IL26: variants seen among roughly 807,000 people sequenced by gnomAD.
The protein encoded by IL26 is interleukin 26.
In IL26, 23 loss-of-function variants were observed where a neutral mutation model predicts 21.7. That is an observed-to-expected ratio of 1.06 (90% CI 0.76 to 1.50). IL26 has a LOEUF of 1.50. IL26 is among the 40% of genes most tolerant of loss of function. IL26 has a pLI of 0.00. For synonymous variants in IL26, 63 were observed against 67.8 expected (o/e 0.93, Z 0.34); for missense variants, 204 against 196.0 (o/e 1.04, Z -0.24).
At chr12:68,208,182 C>A (rs967079336) in intron 3 of IL26, among the ~76,000 whole-genome samples, 1 of 152,086 alleles carries the variant, frequency 6.6e-6, no homozygotes, top group Non-Finnish European at 1.5e-5. Context: ...AACATGACTG[C>A]TCCAGGAGAC....
At chr12:68,208,588 C>G (rs1411612277) in intron 3 of IL26, among the ~76,000 whole-genome samples, 1 of 152,100 alleles carries the variant, frequency 6.6e-6, no homozygotes, top group Non-Finnish European at 1.5e-5. Flanking sequence ...CTGCAACCTC[C>G]GTATCCTGGG....
At chr12:68,204,336 G>A (rs1868473873) in intron 3 of IL26, among the ~76,000 whole-genome samples, 2 of 151,822 alleles carry the variant, frequency 1.3e-5, no homozygotes, top group African/African-American at 4.8e-5. Flanking sequence ...GTAGAGATGG[G>A]GTTTCACCGT....
intron 3 of IL26, among the ~76,000 whole-genome samples, chr12:68,224,039 A>ACCC (rs72054758): frequency 0.014 from 2,029 of 146,956 alleles, 52 homozygotes; most frequent in African/African-American, 0.051. Context: ...AAAAATAAAC[A>ACCC]CCCCCCCCCT....
At chr12:68,210,335 T>G (rs1868675315) in intron 3 of IL26, among the ~76,000 whole-genome samples, 2 of 5,956 alleles carry the variant, frequency 3.4e-4, no homozygotes, top group Non-Finnish European at 8.0e-4. Context: ...AATATCAGTT[T>G]GGCAAAAAAA....
chr12:68,210,349 A>C lies in IL26; in HGVS notation c.364-8266T>G, dbSNP rs1592896678. Among the ~76,000 whole-genome samples the C allele has an allele frequency of 1.7e-4, 5 of 29,902 alleles. No individual in the cohort carries two copies. The South Asian group carries it at 4.8e-3, about 29-fold the overall frequency. The allele number at this position is 29,902 out of a possible 152,430, so 19.6% of individuals were successfully genotyped here. A position where few individuals can be genotyped will look rare whatever the true frequency, so the allele number is the denominator to read the frequency against. ...AAATATCAGTTTGGCAAAAAAAAAA[A>C]AAAAAAAAAAAAAAAAAAAAAAAAA... On this transcript the variant is annotated intron_variant, in intron 3 of 4. Transcript: ENST00000229134.
At chr12:68,220,699 C>A (rs1203113936) in intron 3 of IL26, among the ~76,000 whole-genome samples, 1 of 152,170 alleles carries the variant, frequency 6.6e-6, no homozygotes, top group Non-Finnish European at 1.5e-5. Context: ...TGCAGTGGTG[C>A]GGTCTTGGCT....
At chr12:68,212,999 C>T (rs1868776759) in intron 3 of IL26, among the ~76,000 whole-genome samples, 1 of 151,982 alleles carries the variant, frequency 6.6e-6, no homozygotes, top group African/African-American at 2.4e-5. Flanking sequence ...TCAATTTTTC[C>T]CCATTCAGTG....
intron 3 of IL26, among the ~76,000 whole-genome samples, chr12:68,211,502 A>C (rs1172393329): frequency 6.6e-6 from 1 of 152,108 alleles, no homozygotes; most frequent in Non-Finnish European, 1.5e-5. Flanking sequence ...CATAGCGGTT[A>C]TACTAGTTTA....
chr12:68,225,094 G>A, intron 3 of IL26, 55 bp downstream of exon 3: 1 of 1,524,232 alleles, frequency 6.6e-7, no homozygotes, highest in Non-Finnish European at 8.8e-7. Context: ...CTTACATGCT[G>A]ACTTCTAAAC....
At chr12:68,211,338 G>T (rs1327568610) in intron 3 of IL26, among the ~76,000 whole-genome samples, 2 of 151,980 alleles carry the variant, frequency 1.3e-5, no homozygotes, top group Non-Finnish European at 2.9e-5. Flanking sequence ...TCCATATGTT[G>T]GCTACTGTGG....
intron 3 of IL26, among the ~76,000 whole-genome samples, chr12:68,223,008 A>G (rs1981743): frequency 6.6e-6 from 1 of 152,214 alleles, no homozygotes; most frequent in Non-Finnish European, 1.5e-5. Flanking sequence ...GTTAATTTGT[A>G]TTAAACAGAC....
chr12:68,204,760 T>C (rs762684876), intron 3 of IL26, among the ~76,000 whole-genome samples: 1 of 152,148 alleles, frequency 6.6e-6, no homozygotes, highest in Non-Finnish European at 1.5e-5. Context: ...CCCGGTGCCT[T>C]GAGCACTGCT....
intron 3 of IL26, among the ~76,000 whole-genome samples, chr12:68,208,031 G>T (rs1017063929): frequency 6.6e-6 from 1 of 152,122 alleles, no homozygotes; most frequent in African/African-American, 2.4e-5. Context: ...GTTGACCTAT[G>T]CAGTTCAAAC....
At chr12:68,215,188 T>A (rs1565738427) in intron 3 of IL26, among the ~76,000 whole-genome samples, 1 of 152,196 alleles carries the variant, frequency 6.6e-6, no homozygotes, top group African/African-American at 2.4e-5. Flanking sequence ...ACATTTTGAC[T>A]TTTTGTTGAG....
Position 68,201,547 on chromosome 12 carries a change from A to G in IL26, c.*298T>C, listed in dbSNP as rs1428942564. Reference sequence around the variant, plus strand: ...CCCACATCCCACTCCACACACAAATATTACACGAGTTAATTCAGGTTACAT... The same window carrying G: ...CCCACATCCCACTCCACACACAAATGTTACACGAGTTAATTCAGGTTACAT... On this transcript the variant is annotated 3_prime_UTR_variant, in exon 5 of 5. Transcript: ENST00000229134. 8.4e-6 allele frequency: 2 copies of G among 238,762 alleles called. No individual in the cohort carries two copies. The highest frequency in any genetic ancestry group is 4.6e-5 in the African/African-American group (2 of 43,904). 14.8% of individuals were successfully genotyped at this position (238,762 alleles called of 1,614,324 possible). A position where few individuals can be genotyped will look rare whatever the true frequency, so the allele number is the denominator to read the frequency against.
chr12:68,225,806 C>T lies in IL26; in HGVS notation c.-50G>A, dbSNP rs777786272. 6.3e-7 allele frequency: 1 copy of T among 1,586,772 alleles called. No individual in the cohort carries two copies. Among genetic ancestry groups the T allele is most frequent in the East Asian group, 2.2e-5 (1 of 44,734 alleles). ...GTCACTCACAGCAGCCCAAGAGATA[C>T]TAATGCCGGTTAGATGAGAGGATAA... On this transcript the variant is annotated 5_prime_UTR_variant, in exon 1 of 5. Transcript: ENST00000229134.
At chr12:68,223,552 T>A (rs551895474) in intron 3 of IL26, among the ~76,000 whole-genome samples, 2 of 152,270 alleles carry the variant, frequency 1.3e-5, no homozygotes, top group South Asian at 4.1e-4. Context: ...AAACCTGACA[T>A]GGATTTGGGG....
chr12:68,225,736 C>T lies in IL26; in HGVS notation c.21G>A (p.Leu7=). The change falls in exon 1 of 5, where the codon TTG becomes TTA. Residue 7 remains leucine, a synonymous_variant. Transcript: ENST00000229134. MLVNFI[L]RCGLLLVTLS... ...GAGTGACTAACAGCAACCCACACCT[C>T]AAAATGAAATTCACCAGCATTTCCC... The T allele has an allele frequency of 6.2e-7, 1 of 1,613,884 alleles. No individual in the cohort carries two copies.
chr12:68,225,002 C>T, intron 3 of IL26, 147 bp downstream of exon 3: 2 of 654,750 alleles, frequency 3.1e-6, no homozygotes, highest in Non-Finnish European at 5.1e-6. Flanking sequence ...AATGCTATTT[C>T]CCTGGTGATG....
Sources: gnomAD v4.1 joint callset for allele counts (sites outside exome capture counted in the v4.1 genomes callset) on GRCh38, gnomAD v4.1.1 for gene constraint, MANE v1.5 for transcripts, NCBI Gene and HGNC (gene_info 2026-07-23, HGNC 2026-07-21) for gene names.